SMARCA4: variants seen among roughly 807,000 people sequenced by gnomAD.
SMARCA4 encodes SWI/SNF-related matrix-associated actin-dependent regulator of chromatin subfamily A member 4.
In SMARCA4, 31 loss-of-function variants were observed where a neutral mutation model predicts 193.9. That is an observed-to-expected ratio of 0.16 (90% CI 0.12 to 0.22). The LOEUF (loss-of-function observed/expected upper bound fraction) is 0.22. Ranked by LOEUF, SMARCA4 falls within the 10% of genes least tolerant of loss-of-function variation. SMARCA4 has a pLI of 1.00. For synonymous variants in SMARCA4, 942 were observed against 933.1 expected, an observed-to-expected ratio of 1.01 and a Z score of -0.17; for missense variants, 1,148 against 2,296.0, an observed-to-expected ratio of 0.50 and a Z score of 10.22.
rs369785711 is a variant in SMARCA4 at position 11,058,900 on chromosome 19, C to T, written c.4635+11C>T. 58 of 1,609,254 alleles carry T rather than the reference C, an allele frequency of 3.6e-5. No individual in the cohort carries two copies. In the African/African-American group the frequency reaches 7.1e-4, roughly 20 times the overall value. On this transcript the variant is annotated intron_variant, in intron 32 of 34. Transcript: ENST00000344626. The surrounding 1 kb of genome is among the most constrained non-coding windows in gnomAD (Gnocchi z 5.8). Reference sequence around the variant, plus strand: ...CTGGAGGGCTCCCTGGTGAGGGCACCGCTGGGGGTTGGGGATGGGCCACTC... The same window carrying T: ...CTGGAGGGCTCCCTGGTGAGGGCACTGCTGGGGGTTGGGGATGGGCCACTC...
intron 29 of SMARCA4, among the ~76,000 whole-genome samples, chr19:11,036,041 C>T (rs1343655180): frequency 2.6e-5 from 4 of 152,234 alleles, no homozygotes; most frequent in Admixed American, 6.5e-5. Flanking sequence ...CAAACAGCCC[C>T]GGTTCCCTCC....
At chr19:11,061,204 A>AAAAT (rs1555797070) in intron 34 of SMARCA4, among the ~76,000 whole-genome samples, 7 of 45,212 alleles carry the variant, frequency 1.5e-4, no homozygotes, top group African/African-American at 6.8e-4. Flanking sequence ...AAAAAAAAAA[A>AAAAT]ATATATATAT....
chr19:11,056,918 G>A (rs1306694746), intron 30 of SMARCA4, among the ~76,000 whole-genome samples: 1 of 152,214 alleles, frequency 6.6e-6, no homozygotes, highest in Admixed American at 6.5e-5. Context: ...GTAAACAGAA[G>A]CAAGACAAGG....
At chr19:10,992,495 G>T (rs1324946644) in intron 8 of SMARCA4, among the ~76,000 whole-genome samples, 1 of 150,154 alleles carries the variant, frequency 6.7e-6, no homozygotes, top group Non-Finnish European at 1.5e-5. Flanking sequence ...CACGATCTTG[G>T]CTCACTGCAA....
chr19:11,008,258 G>A, intron 14 of SMARCA4: 1 of 464,348 alleles, frequency 2.2e-6, no homozygotes. Flanking sequence ...AGTCAGGTGT[G>A]CGGGAGAAGC....
chr19:10,986,500 C>T lies in SMARCA4; in HGVS notation c.667C>T (p.Pro223Ser), dbSNP rs2086046540. The T allele has an allele frequency of 1.3e-6, 2 of 1,547,090 alleles. No individual in the cohort carries two copies. The highest frequency in any genetic ancestry group is 2.4e-5 in the East Asian group (1 of 40,954). The change falls in exon 4 of 35, where the codon CCC (proline) becomes TCC (serine). Residue 223 changes from proline (P) to serine (S), a missense_variant. Around this residue, in one of 17 missense-constraint regions of SMARCA4, gnomAD observed 257 missense variants for 276.5 expected, o/e 0.93. Coordinates refer to ENST00000344626, the MANE Select transcript of SMARCA4 (RefSeq NM_003072.5). The surrounding 1 kb of genome is among the most constrained non-coding windows in gnomAD (Gnocchi z 6.7). ...MQQQMPTLPPPSVSATGPGPG... is the reference protein window; with the variant it reads ...MQQQMPTLPPSSVSATGPGPG... ...GCAGCAGATGCCAACGCTACCTCCA[C>T]CCTCGGTGTCCGCAACAGGACCCGG...
At chr19:11,035,504 A>G (rs1482498249) in intron 29 of SMARCA4, among the ~76,000 whole-genome samples, 2 of 152,236 alleles carry the variant, frequency 1.3e-5, no homozygotes, top group Non-Finnish European at 2.9e-5. Context: ...ATCATGGACT[A>G]TTGAGGCGCC....
At chr19:11,049,421 C>G (rs902439456) in intron 30 of SMARCA4, among the ~76,000 whole-genome samples, 1 of 151,320 alleles carries the variant, frequency 6.6e-6, no homozygotes, top group African/African-American at 2.4e-5. Context: ...TCTGTGGCTT[C>G]GGGTCAGGTT....
At chr19:11,004,413 A>T (rs1335456038) in intron 13 of SMARCA4, among the ~76,000 whole-genome samples, 2 of 151,776 alleles carry the variant, frequency 1.3e-5, no homozygotes, top group African/African-American at 4.8e-5. Flanking sequence ...CATGCCAGCT[A>T]ATTTTTAAAA....
At chr19:10,995,389 A>G (rs1185291662) in intron 9 of SMARCA4, 1 of 467,466 alleles carries the variant, frequency 2.1e-6, no homozygotes, top group East Asian at 6.5e-5. Flanking sequence ...GTTCTGGGCC[A>G]GGTGCTGCTC....
rs760625171 is a variant in SMARCA4 at position 10,984,131 on chromosome 19, C to G, written c.-21C>G. On this transcript the variant is annotated 5_prime_UTR_variant, in exon 2 of 35. Coordinates refer to ENST00000344626, the MANE Select transcript of SMARCA4 (RefSeq NM_003072.5). This position sits in a 1 kb window ranked among gnomAD's most constrained non-coding sequence, Gnocchi z 4.3. ...AGGACTGTCTTCCAGCAGGAGGCCACTGTCTGCAGCTCCCGTGAAGATGTC... is the reference window on the plus strand; with the variant it reads ...AGGACTGTCTTCCAGCAGGAGGCCAGTGTCTGCAGCTCCCGTGAAGATGTC... 5 of 1,613,518 alleles carry G rather than the reference C, an allele frequency of 3.1e-6. No homozygotes were observed. Among genetic ancestry groups the G allele is most frequent in the Non-Finnish European group, 3.4e-6 (4 of 1,179,942 alleles).
chr19:11,010,474 TGA>T lies in SMARCA4; in HGVS notation c.2223_2224del (p.Arg741SerfsTer82). 6.2e-7 allele frequency: 1 copy of T among 1,614,082 alleles called. No individual in the cohort carries two copies. Among genetic ancestry groups the T allele is most frequent in the Non-Finnish European group, 8.5e-7 (1 of 1,179,988 alleles). ...ACTATGCCGTGGCCCATGCTGTCAC[TGA>T]GAGAGTGGACAAGCAGTCAGCGCTT... Reference protein sequence around the residue: ...SYYAVAHAVTERVDKQSALMV... With the variant: ...SYYAVAHAVTXRVDKQSALMV... On this transcript the variant is annotated frameshift_variant, in exon 15 of 35. Transcript: ENST00000344626. LOFTEE classifies it high-confidence loss of function.
rs1025689975 is a variant in SMARCA4 at position 11,034,548 on chromosome 19, C to T, written c.3951+348C>T. Among the ~76,000 whole-genome samples, 1 of 152,186 alleles carries T rather than the reference C, an allele frequency of 6.6e-6. No individual in the cohort carries two copies. Among genetic ancestry groups the T allele is most frequent in the Non-Finnish European group, 1.5e-5 (1 of 68,030 alleles). On this transcript the variant is annotated intron_variant, in intron 28 of 34. Transcript: ENST00000344626. This position sits in a 1 kb window ranked among gnomAD's most constrained non-coding sequence, Gnocchi z 7.0. Reference sequence around the variant, plus strand: ...TGACCAGGCCTTCAGTCGCAGAGCCCCCTTGCCCCTGGGTGGGAAACAGGA... The same window carrying T: ...TGACCAGGCCTTCAGTCGCAGAGCCTCCTTGCCCCTGGGTGGGAAACAGGA...
intron 30 of SMARCA4, among the ~76,000 whole-genome samples, chr19:11,046,595 A>G (rs977365257): frequency 1.1e-4 from 17 of 152,202 alleles, no homozygotes; most frequent in African/African-American, 4.1e-4. Context: ...CTGTCCACTC[A>G]CTGTAATGTG....
chr19:11,025,170 C>T lies in SMARCA4; in HGVS notation c.3082-252C>T, dbSNP rs529479458. 4.8e-4 allele frequency among the ~76,000 whole-genome samples: 73 copies of T among 152,284 alleles called. 1 individual carries two copies. In the East Asian group the frequency reaches 0.013, roughly 28 times the overall value. ...CTCAGCCCTTTGCCAGTCTTGTTTC[C>T]GTCCCGTCCTGCTGGCCCTGTCCCT... is the stretch of plus-strand genomic sequence containing the variant. On this transcript the variant is annotated intron_variant, in intron 21 of 34. Coordinates refer to ENST00000344626, the MANE Select transcript of SMARCA4 (RefSeq NM_003072.5).
rs1030982281 is a variant in SMARCA4 at position 11,031,273 on chromosome 19, T to C, written c.3546+380T>C. The C allele has an allele frequency of 2.8e-5, 9 of 323,368 alleles. No individual in the cohort carries two copies. The highest frequency in any genetic ancestry group is 1.5e-4 in the South Asian group (5 of 33,422). The allele number at this position is 323,368 out of a possible 1,614,324, so 20.0% of individuals were successfully genotyped here. On this transcript the variant is annotated intron_variant, in intron 25 of 34. Transcript: ENST00000344626. The surrounding 1 kb of genome is among the most constrained non-coding windows in gnomAD (Gnocchi z 4.3). Reference sequence around the variant, plus strand: ...CACACTGGCGCTTGTTCAGACACAATTGGGGGTAAACTCCATGCCACTTCG... The same window carrying C: ...CACACTGGCGCTTGTTCAGACACAACTGGGGGTAAACTCCATGCCACTTCG...
At chr19:10,994,519 A>C (rs1046470122) in intron 8 of SMARCA4, among the ~76,000 whole-genome samples, 2 of 149,004 alleles carry the variant, frequency 1.3e-5, no homozygotes, top group East Asian at 4.0e-4. Context: ...GTTAGTAGAG[A>C]TGGGGTTTTA....
intron 13 of SMARCA4, among the ~76,000 whole-genome samples, chr19:11,006,668 A>G (rs570324405): frequency 3.9e-5 from 6 of 152,296 alleles, no homozygotes; most frequent in Admixed American, 3.9e-4. Flanking sequence ...ATCAACTGAT[A>G]AACTGCTTTA....
intron 29 of SMARCA4, 124 bp downstream of exon 29, chr19:11,035,256 A>G: frequency 1.1e-6 from 1 of 889,804 alleles, no homozygotes; most frequent in Non-Finnish European, 1.8e-6. Flanking sequence ...ACTCCTGGCC[A>G]GGCTCCGCAG....
Sources: gnomAD v4.1 joint callset for allele counts (sites outside exome capture counted in the v4.1 genomes callset) on GRCh38, gnomAD v4.1.1 for gene constraint, gnomAD v4.1.1 regional missense constraint, Gnocchi (gnomAD v3.1) non-coding constraint, MANE v1.5 for transcripts, NCBI Gene and HGNC (gene_info 2026-07-23, HGNC 2026-07-21) for gene names.